The following CXXC4 variants were observed in gnomAD, a reference collection of about 807,000 sequenced individuals.
CXXC4 encodes the protein CXXC finger protein 4.
In CXXC4, 5 loss-of-function variants were observed where a neutral mutation model predicts 20.5. The observed-to-expected ratio is 0.24, with a 90% confidence interval of 0.13 to 0.51. The LOEUF (loss-of-function observed/expected upper bound fraction) is 0.51, where lower values mean the gene tolerates loss of function less well. Ranked by LOEUF, CXXC4 falls within the 20% of genes least tolerant of loss-of-function variation. The pLI is 0.97. For missense variants in CXXC4, 419 were observed against 496.4 expected (o/e 0.84, Z 1.48); for synonymous variants, 250 against 216.4 (o/e 1.16, Z -1.36).
intron 2 of CXXC4, 32 bp from the exon 3 acceptor site, chr4:104,472,398 CT>C (rs1348029081): frequency 4.5e-6 from 7 of 1,542,850 alleles, no homozygotes; most frequent in Non-Finnish European, 6.2e-6. Flanking sequence ...ACAAGTTAAG[CT>C]TTCTTTCTAT....
At chr4:104,476,452 C>T (rs958945679) in intron 2 of CXXC4, among the ~76,000 whole-genome samples, 4 of 152,118 alleles carry the variant, frequency 2.6e-5, no homozygotes, top group Non-Finnish European at 5.9e-5. Context: ...TAACTCTGTA[C>T]ATATGAGGAT....
chr4:104,490,656 TCTTGAAGCCAGA>T, intron 2 of CXXC4, 76 bp downstream of exon 2: 4 of 1,223,426 alleles, frequency 3.3e-6, no homozygotes, highest in Non-Finnish European at 4.6e-6. Flanking sequence ...GGGTACTGCA[TCTTGAAGCCAGA>T]CAAGAATCCC....
chr4:104,481,851 C>T (rs983965046), intron 2 of CXXC4, among the ~76,000 whole-genome samples: 2 of 152,076 alleles, frequency 1.3e-5, no homozygotes, highest in African/African-American at 4.8e-5. Flanking sequence ...AGGTATAGAC[C>T]TGCCTGGAAT....
intron 2 of CXXC4, among the ~76,000 whole-genome samples, chr4:104,489,913 C>G (rs1736796428): frequency 6.6e-6 from 1 of 152,170 alleles, no homozygotes; most frequent in Admixed American, 6.5e-5. Flanking sequence ...TATACACCAA[C>G]TTTGTAACCA....
chr4:104,494,658 T>TGGG (rs5860769), intron 1 of CXXC4, 43 bp downstream of exon 1: 1 of 105,766 alleles, frequency 9.5e-6, no homozygotes, highest in Non-Finnish European at 2.1e-5. Flanking sequence ...AACAAACTGT[T>TGGG]GGGGGGGGGG....
chr4:104,490,619 T>C, intron 2 of CXXC4, 125 bp downstream of exon 2: 1 of 916,348 alleles, frequency 1.1e-6, no homozygotes, highest in African/African-American at 1.7e-5. Flanking sequence ...CTACAACTCT[T>C]ACCACCTGAA....
At chr4:104,479,052 C>G (rs1266168102) in intron 2 of CXXC4, among the ~76,000 whole-genome samples, 1 of 151,834 alleles carries the variant, frequency 6.6e-6, no homozygotes, top group Admixed American at 6.6e-5. Flanking sequence ...TCAAGTAATT[C>G]CCATTGAATG....
intron 2 of CXXC4, among the ~76,000 whole-genome samples, chr4:104,486,286 T>C (rs1736693048): frequency 6.6e-6 from 1 of 152,080 alleles, no homozygotes; most frequent in South Asian, 2.1e-4. Context: ...CATGATATTT[T>C]GAAGTATATA....
chr4:104,491,975 G>T lies in CXXC4; in HGVS notation c.-173C>A. On this transcript the variant is annotated 5_prime_UTR_variant, in exon 2 of 3. Coordinates refer to ENST00000394767, the MANE Select transcript of CXXC4 (RefSeq NM_025212.4). Reference sequence around the variant, plus strand: ...GGGTGGGGAGAGCAAGGTGAGGGCTGCTTTATTCCTCTCTGGGGCTCATTT... The same window carrying T: ...GGGTGGGGAGAGCAAGGTGAGGGCTTCTTTATTCCTCTCTGGGGCTCATTT... The T allele has an allele frequency of 2.4e-6, 1 of 414,670 alleles. No homozygotes were observed. The highest frequency in any genetic ancestry group is 4.4e-5 in the Admixed American group (1 of 22,860). The allele number at this position is 414,670 out of a possible 1,614,324, so 25.7% of individuals were successfully genotyped here.
At chr4:104,488,535 G>A (rs1736753079) in intron 2 of CXXC4, among the ~76,000 whole-genome samples, 1 of 152,162 alleles carries the variant, frequency 6.6e-6, no homozygotes, top group Admixed American at 6.5e-5. Context: ...CACAGCCCAT[G>A]CTCTGATAGA....
At chr4:104,476,161 T>A (rs1332376663) in intron 2 of CXXC4, among the ~76,000 whole-genome samples, 1 of 152,144 alleles carries the variant, frequency 6.6e-6, no homozygotes, top group Non-Finnish European at 1.5e-5. Context: ...ATTTACTTTT[T>A]AAAAAAATTT....
rs1736183862 is a variant in CXXC4 at position 104,468,679 on chromosome 4, A to C, written c.*3643T>G. On this transcript the variant is annotated 3_prime_UTR_variant, in exon 3 of 3. Transcript: ENST00000394767. ...TTTATTCACTAGGAATACAGATCTC[A>C]GTGTGAAATGCCAAATTTAATAAAA... 1 of 146,792 alleles carries C rather than the reference A, an allele frequency of 6.8e-6. No individual in the cohort carries two copies. Among genetic ancestry groups the C allele is most frequent in the Non-Finnish European group, 1.5e-5 (1 of 67,728 alleles). The allele number at this position is 146,792 out of a possible 1,614,324, so 9.1% of individuals were successfully genotyped here.
At chr4:104,472,841 G>C (rs1345943183) in intron 2 of CXXC4, among the ~76,000 whole-genome samples, 1 of 151,866 alleles carries the variant, frequency 6.6e-6, no homozygotes, top group African/African-American at 2.4e-5. Context: ...TTCTACATTA[G>C]TCCTTTCTCA....
intron 2 of CXXC4, among the ~76,000 whole-genome samples, chr4:104,481,855 C>T (rs1422976296): frequency 6.6e-6 from 1 of 152,108 alleles, no homozygotes; most frequent in Non-Finnish European, 1.5e-5. Context: ...ATAGACCTGC[C>T]TGGAATAAGT....
Position 104,472,060 on chromosome 4 carries a change from C to T in CXXC4, c.*262G>A. 1 of 317,032 alleles carries T rather than the reference C, an allele frequency of 3.2e-6. No individual in the cohort carries two copies. Among genetic ancestry groups the T allele is most frequent in the Non-Finnish European group, 5.7e-6 (1 of 174,660 alleles). 19.6% of individuals were successfully genotyped at this position (317,032 alleles called of 1,614,324 possible). A position where few individuals can be genotyped will look rare whatever the true frequency, so the allele number is the denominator to read the frequency against. ...CCACTTTCAAAATAGACAACAACTT[C>T]ACTACTATAGCTAAATTACATCAAA... On this transcript the variant is annotated 3_prime_UTR_variant, in exon 3 of 3. Transcript: ENST00000394767.
intron 2 of CXXC4, among the ~76,000 whole-genome samples, chr4:104,485,695 C>A (rs911774585): frequency 4.6e-5 from 7 of 152,080 alleles, no homozygotes; most frequent in African/African-American, 1.7e-4. Flanking sequence ...TTCCACCCCA[C>A]CATGGATCTT....
chr4:104,472,172 C>CTTTT lies in CXXC4; in HGVS notation c.*146_*149dup, dbSNP rs34493088. 65 of 368,144 alleles carry CTTTT rather than the reference C, an allele frequency of 1.8e-4. 8 individuals are homozygous for CTTTT. Among genetic ancestry groups the CTTTT allele is most frequent in the African/African-American group, 5.5e-4 (24 of 43,424 alleles). 22.8% of individuals were successfully genotyped at this position (368,144 alleles called of 1,614,324 possible). On this transcript the variant is annotated 3_prime_UTR_variant, in exon 3 of 3. Coordinates refer to ENST00000394767, the MANE Select transcript of CXXC4 (RefSeq NM_025212.4). Reference sequence around the variant, plus strand: ...TTATGTCTTTTTCTTTTCTTTTCCTCTTTTTTTTTTTTTTTGAAGAAAGCC... The same window carrying CTTTT: ...TTATGTCTTTTTCTTTTCTTTTCCTCTTTTTTTTTTTTTTTTTTTGAAGAAAGCC...
chr4:104,486,558 T>C (rs1032948418), intron 2 of CXXC4, among the ~76,000 whole-genome samples: 4 of 152,098 alleles, frequency 2.6e-5, no homozygotes, highest in African/African-American at 9.7e-5. Flanking sequence ...TACTCACTTA[T>C]ATATTTGCAC....
At chr4:104,473,008 C>A (rs909414998) in intron 2 of CXXC4, among the ~76,000 whole-genome samples, 1 of 151,674 alleles carries the variant, frequency 6.6e-6, no homozygotes, top group Non-Finnish European at 1.5e-5. Flanking sequence ...AAAATGCAAT[C>A]AAAAACTGAA....
Sources: allele counts gnomAD v4.1 joint callset (sites outside exome capture counted in the v4.1 genomes callset), GRCh38; gene constraint gnomAD v4.1.1; transcripts MANE v1.5; gene names NCBI Gene and HGNC (gene_info 2026-07-23, HGNC 2026-07-21).